The following DMRT1 variants were observed in gnomAD, a reference collection of about 807,000 sequenced individuals.
DMRT1 encodes the protein doublesex and mab-3 related transcription factor 1, also known as doublesex- and mab-3-related transcription factor 1.
DMRT1 carries 7 observed loss-of-function variants against 32.3 expected under a neutral mutation model. That is an observed-to-expected ratio of 0.22 (90% confidence interval 0.12 to 0.41). The LOEUF is 0.41. DMRT1 is among the 10% of genes least tolerant of loss of function. DMRT1 has a pLI of 1.00. For synonymous variants in DMRT1, 278 were observed against 206.1 expected (o/e 1.35, Z -2.99); for missense variants, 625 against 500.5 (o/e 1.25, Z -2.37).
chr9:945,900 T>C (rs1819228186), intron 4 of DMRT1, among the ~76,000 whole-genome samples: 1 of 152,194 alleles, frequency 6.6e-6, no homozygotes, highest in Admixed American at 6.5e-5. Flanking sequence ...TATGTGTTTC[T>C]GTAGAAATGT....
intron 2 of DMRT1, among the ~76,000 whole-genome samples, chr9:850,321 TGGG>T (rs1331672092): frequency 6.6e-6 from 1 of 151,528 alleles, no homozygotes; most frequent in Non-Finnish European, 1.5e-5. Context: ...TGTGGGAGAG[TGGG>T]GGAGAGCCAA....
At chr9:916,609 C>G (rs551800039) in intron 3 of DMRT1, among the ~76,000 whole-genome samples, 154 bp from the exon 4 acceptor site, 1 of 152,200 alleles carries the variant, frequency 6.6e-6, no homozygotes, top group Admixed American at 6.5e-5. Flanking sequence ...TGGGCTCAAG[C>G]GATCCTCCCG....
chr9:864,442 C>T (rs1369166614), intron 2 of DMRT1, among the ~76,000 whole-genome samples: 2 of 150,480 alleles, frequency 1.3e-5, no homozygotes, highest in East Asian at 2.0e-4. Context: ...ATCTGCCCGC[C>T]TTGTCCTCCC....
intron 3 of DMRT1, 62 bp from the exon 4 acceptor site, chr9:916,701 T>A: frequency 1.3e-6 from 2 of 1,581,684 alleles, no homozygotes; most frequent in South Asian, 1.1e-5. Context: ...ACTAGATAAT[T>A]ATTGTACTAG....
intron 2 of DMRT1, among the ~76,000 whole-genome samples, chr9:852,866 C>T (rs2132556383): frequency 6.6e-6 from 1 of 152,284 alleles, no homozygotes; most frequent in East Asian, 1.9e-4. Flanking sequence ...GGGGCCTTTC[C>T]TTCACTTTTC....
intron 3 of DMRT1, among the ~76,000 whole-genome samples, chr9:901,441 C>T (rs756844934): frequency 6.6e-6 from 1 of 152,108 alleles, no homozygotes; most frequent in Non-Finnish European, 1.5e-5. Flanking sequence ...ATTCTCCTGC[C>T]TCAGCCTTCC....
chr9:901,454 G>A (rs1326446676), intron 3 of DMRT1, among the ~76,000 whole-genome samples: 2 of 152,050 alleles, frequency 1.3e-5, no homozygotes, highest in African/African-American at 2.4e-5. Flanking sequence ...AGCCTTCCAA[G>A]TAGCTGGGAT....
chr9:944,833 A>G (rs1819190574), intron 4 of DMRT1, among the ~76,000 whole-genome samples: 1 of 152,168 alleles, frequency 6.6e-6, no homozygotes, highest in African/African-American at 2.4e-5. Flanking sequence ...TGTTTCAAAC[A>G]TAGGCACTAT....
At chr9:879,986 G>T (rs1816665515) in intron 2 of DMRT1, among the ~76,000 whole-genome samples, 1 of 152,154 alleles carries the variant, frequency 6.6e-6, no homozygotes, top group Non-Finnish European at 1.5e-5. Flanking sequence ...TCCACATAGT[G>T]GGGGGCCATA....
At chr9:887,623 C>T (rs1381004105) in intron 2 of DMRT1, among the ~76,000 whole-genome samples, 2 of 152,178 alleles carry the variant, frequency 1.3e-5, no homozygotes, top group African/African-American at 2.4e-5. Flanking sequence ...CTTTGGGCCT[C>T]TGTTGACCTC....
chr9:911,488 T>TTG (rs1817983675), intron 3 of DMRT1, among the ~76,000 whole-genome samples: 1 of 82,478 alleles, frequency 1.2e-5, no homozygotes, highest in African/African-American at 6.0e-5. Flanking sequence ...TTTTTTTTTT[T>TTG]TTTTTTTTTT....
At chr9:947,084 T>G (rs1297257967) in intron 4 of DMRT1, among the ~76,000 whole-genome samples, 1 of 152,186 alleles carries the variant, frequency 6.6e-6, no homozygotes, top group Non-Finnish European at 1.5e-5. Flanking sequence ...CTACAGCAGC[T>G]GAAGGATGGA....
At chr9:893,871 A>AT (rs769171388) in intron 2 of DMRT1, 41 bp from the exon 3 acceptor site, 2 of 1,591,260 alleles carry the variant, frequency 1.3e-6, no homozygotes. Flanking sequence ...GTGGACTAAC[A>AT]TTAATACCAT....
intron 4 of DMRT1, among the ~76,000 whole-genome samples, chr9:937,177 C>T (rs1397363251): frequency 6.6e-6 from 1 of 152,226 alleles, no homozygotes; most frequent in Non-Finnish European, 1.5e-5. Context: ...GTGTCAGACC[C>T]TCATTCCTTT....
chr9:923,276 G>A (rs1342566464), intron 4 of DMRT1, among the ~76,000 whole-genome samples: 1 of 152,272 alleles, frequency 6.6e-6, no homozygotes, highest in Non-Finnish European at 1.5e-5. Flanking sequence ...GATCCAGAAC[G>A]CCAAAGGTGC....
intron 4 of DMRT1, among the ~76,000 whole-genome samples, chr9:957,561 T>C (rs933077491): frequency 2.6e-5 from 4 of 152,232 alleles, no homozygotes; most frequent in African/African-American, 9.6e-5. Flanking sequence ...ATGATGGCCG[T>C]GTTATATTTA....
chr9:882,370 C>T (rs1047178232), intron 2 of DMRT1, among the ~76,000 whole-genome samples: 8 of 152,248 alleles, frequency 5.3e-5, no homozygotes, highest in South Asian at 2.1e-4. Flanking sequence ...ACTTGTGCCT[C>T]GAAGCTCTTG....
intron 2 of DMRT1, among the ~76,000 whole-genome samples, chr9:887,876 G>A (rs1423388951): frequency 3.3e-5 from 5 of 152,198 alleles, no homozygotes; most frequent in South Asian, 2.1e-4. Flanking sequence ...AATGTTTAAA[G>A]TATGTTTTTG....
chr9:934,073 G>A (rs1818810039), intron 4 of DMRT1, among the ~76,000 whole-genome samples: 1 of 152,042 alleles, frequency 6.6e-6, no homozygotes, highest in Admixed American at 6.5e-5. Flanking sequence ...GAACTTGGTT[G>A]ATCTCAGTCC....
Sources: allele counts gnomAD v4.1 joint callset (sites outside exome capture counted in the v4.1 genomes callset), GRCh38; gene constraint gnomAD v4.1.1; transcripts MANE v1.5; gene names NCBI Gene and HGNC (gene_info 2026-07-23, HGNC 2026-07-21).